TSPEAR: variants seen among roughly 807,000 people sequenced by gnomAD.
TSPEAR encodes the protein thrombospondin-type laminin G domain and EAR repeat-containing protein.
In TSPEAR, 69 loss-of-function variants were observed where a neutral mutation model predicts 71.6. The ratio of observed to expected loss-of-function variants is 0.96; its 90% CI spans 0.79 to 1.18. TSPEAR has a LOEUF of 1.18. Among genes scored for constraint, TSPEAR ranks in the 50% most tolerant of loss-of-function variants. TSPEAR has a pLI of 0.00. For synonymous variants in TSPEAR, 402 were observed against 387.2 expected (o/e 1.04, Z -0.45); for missense variants, 971 against 894.9 (o/e 1.09, Z -1.09).
intron 2 of TSPEAR, chr21:44,558,358 A>T (rs782156804): frequency 6.2e-7 from 1 of 1,612,792 alleles, no homozygotes; most frequent in South Asian, 1.1e-5. Context: ...ATGGGCTTGC[A>T]GCAGACAGGC....
chr21:44,591,109 T>A (rs1555926448), intron 1 of TSPEAR, among the ~76,000 whole-genome samples: 1 of 151,182 alleles, frequency 6.6e-6, no homozygotes, highest in Non-Finnish European at 1.5e-5. Flanking sequence ...CAGAGGTTGG[T>A]GTGAGACAGA....
At chr21:44,638,985 C>G in intron 1 of TSPEAR, among the ~76,000 whole-genome samples, 1 of 152,076 alleles carries the variant, frequency 6.6e-6, no homozygotes, top group East Asian at 1.9e-4. Flanking sequence ...CGCCCTCCCC[C>G]AGGACTCGAG....
intron 1 of TSPEAR, chr21:44,601,551 C>G (rs587686729): frequency 6.2e-7 from 1 of 1,613,788 alleles, no homozygotes; most frequent in South Asian, 1.1e-5. Flanking sequence ...CCTCCGTGTC[C>G]CTCCTCTGCC....
intron 1 of TSPEAR, among the ~76,000 whole-genome samples, chr21:44,619,853 G>T (rs233269): frequency 0.85 from 129,756 of 152,166 alleles, 56,442 homozygotes; most frequent in Non-Finnish European, 0.94. Context: ...AGAGAATGAA[G>T]AAAAATAAAC....
At chr21:44,679,222 T>A (rs1285000708) in intron 1 of TSPEAR, among the ~76,000 whole-genome samples, 1 of 152,196 alleles carries the variant, frequency 6.6e-6, no homozygotes, top group South Asian at 2.1e-4. Flanking sequence ...AGCCTCTTTC[T>A]GTGGCCTCTC....
chr21:44,609,486 T>G (rs587664433), intron 1 of TSPEAR, among the ~76,000 whole-genome samples: 1 of 152,208 alleles, frequency 6.6e-6, no homozygotes, highest in African/African-American at 2.4e-5. Context: ...CAGAGAGAGA[T>G]GAATGAAAAT....
chr21:44,568,039 G>T, intron 1 of TSPEAR, 34 bp from the exon 2 acceptor site: 1 of 1,475,230 alleles, frequency 6.8e-7, no homozygotes, highest in South Asian at 1.5e-5. Flanking sequence ...GGTTAGGCCA[G>T]GACACCCCCA....
intron 1 of TSPEAR, chr21:44,574,859 C>G (rs782032238): frequency 6.2e-7 from 1 of 1,613,114 alleles, no homozygotes; most frequent in East Asian, 2.2e-5. Context: ...TCTGCCGCCC[C>G]GTGTGCAGGC....
chr21:44,664,924 G>T (rs1985675007), intron 1 of TSPEAR, among the ~76,000 whole-genome samples: 1 of 152,190 alleles, frequency 6.6e-6, no homozygotes, highest in Non-Finnish European at 1.5e-5. Flanking sequence ...GGGCAGGTAG[G>T]TTCTCCAGAA....
chr21:44,627,904 G>C, intron 1 of TSPEAR: 3 of 1,520,014 alleles, frequency 2.0e-6, no homozygotes. Flanking sequence ...CGCCTGCTGC[G>C]TGCCCGTCTC....
chr21:44,535,978 T>C (rs587723649), intron 2 of TSPEAR, among the ~76,000 whole-genome samples: 1 of 152,146 alleles, frequency 6.6e-6, no homozygotes, highest in East Asian at 1.9e-4. Context: ...GGACTTTCTG[T>C]TCTGCCCAAC....
intron 2 of TSPEAR, among the ~76,000 whole-genome samples, chr21:44,535,530 T>C (rs1555916290): frequency 6.6e-6 from 1 of 152,236 alleles, no homozygotes; most frequent in East Asian, 1.9e-4. Context: ...TGTAAGATTG[T>C]AACACTGACG....
At position 44,687,889 on chromosome 21, in the gene TSPEAR, G is replaced by T. The variant is rs1205819955; in HGVS notation, c.82+23544C>A. 1.3e-5 allele frequency among the ~76,000 whole-genome samples: 2 copies of T among 152,144 alleles called. No individual in the cohort carries two copies. The highest frequency in any genetic ancestry group is 2.9e-5 in the Non-Finnish European group (2 of 68,020). ...GCTGCAGTGTGTGAGTGAAGTGTGC[G>T]GTTGCTGCACCTTCCCCTGCAGTGC... On this transcript the variant is annotated intron_variant, in intron 1 of 11. Transcript: ENST00000323084. This position sits in a 1 kb window ranked among gnomAD's most constrained non-coding sequence, Gnocchi z 4.4.
chr21:44,637,576 C>T, intron 1 of TSPEAR: 1 of 1,613,838 alleles, frequency 6.2e-7, no homozygotes, highest in Non-Finnish European at 8.5e-7. Context: ...GCCCCTGCTG[C>T]CAGACGGCCT....
intron 1 of TSPEAR, among the ~76,000 whole-genome samples, chr21:44,605,256 G>A (rs9979583): frequency 0.042 from 6,369 of 152,188 alleles, 331 homozygotes; most frequent in African/African-American, 0.12. Flanking sequence ...CCAAGGAGGT[G>A]AAAGATCTGT....
At chr21:44,519,477 G>C (rs2052687853) in intron 9 of TSPEAR, 1 of 152,338 alleles carries the variant, frequency 6.6e-6, no homozygotes, top group Non-Finnish European at 1.5e-5. Flanking sequence ...CCAGGTCAAT[G>C]ATTACTGGTC....
At chr21:44,640,974 G>A (rs1416726703) in intron 1 of TSPEAR, among the ~76,000 whole-genome samples, 2 of 152,186 alleles carry the variant, frequency 1.3e-5, no homozygotes, top group African/African-American at 4.8e-5. Context: ...GAGAGGAAGA[G>A]GCCACGCCCC....
chr21:44,668,041 A>T (rs1985880029), intron 1 of TSPEAR, among the ~76,000 whole-genome samples: 1 of 152,252 alleles, frequency 6.6e-6, no homozygotes, highest in Non-Finnish European at 1.5e-5. Flanking sequence ...TACTAAGAGC[A>T]ACTAGGCAAT....
chr21:44,705,296 C>T (rs1987856663), intron 1 of TSPEAR, among the ~76,000 whole-genome samples: 1 of 152,096 alleles, frequency 6.6e-6, no homozygotes, highest in Non-Finnish European at 1.5e-5. Flanking sequence ...CATTCCAGGA[C>T]CCTGTAATAA....
Sources: gnomAD v4.1 joint callset for allele counts (sites outside exome capture counted in the v4.1 genomes callset) on GRCh38, gnomAD v4.1.1 for gene constraint, Gnocchi (gnomAD v3.1) non-coding constraint, MANE v1.5 for transcripts, NCBI Gene and HGNC (gene_info 2026-07-23, HGNC 2026-07-21) for gene names.